ITPR1: variants seen among roughly 807,000 people sequenced by gnomAD.
ITPR1 encodes inositol 1,4,5-trisphosphate-gated calcium channel ITPR1.
ITPR1 carries 96 observed loss-of-function variants against 318.4 expected under a neutral mutation model. The ratio of observed to expected loss-of-function variants is 0.30; its 90% CI spans 0.26 to 0.36. The LOEUF is 0.36. Ranked by LOEUF, ITPR1 falls within the 10% of genes least tolerant of loss-of-function variation. The probability of loss-of-function intolerance (pLI) is 1.00; values close to 1 mark genes in which losing one functional copy is unlikely to be tolerated. For missense variants in ITPR1, 2,440 were observed against 3,460.2 expected (o/e 0.71, Z 7.40); for synonymous variants, 1,312 against 1,289.9 (o/e 1.02, Z -0.37).
chr3:4,842,407 G>T (rs896965221), intron 61 of ITPR1, among the ~76,000 whole-genome samples: 3 of 152,138 alleles, frequency 2.0e-5, no homozygotes, highest in Non-Finnish European at 4.4e-5. Context: ...TCCCTGTGTT[G>T]CCCAGGCTGG....
intron 2 of ITPR1, among the ~76,000 whole-genome samples, chr3:4,503,256 G>A (rs1307109403): frequency 6.6e-6 from 1 of 152,134 alleles, no homozygotes; most frequent in African/African-American, 2.4e-5. Flanking sequence ...GGAAAAATCA[G>A]GTAGTGAAAC....
chr3:4,809,219 A>G (rs1412353081), intron 55 of ITPR1, among the ~76,000 whole-genome samples: 6 of 152,210 alleles, frequency 3.9e-5, no homozygotes, highest in African/African-American at 1.2e-4. Flanking sequence ...TTTCTCTTAT[A>G]CCATTTGACT....
intron 24 of ITPR1, among the ~76,000 whole-genome samples, chr3:4,678,491 A>C (rs955557331): frequency 6.6e-6 from 1 of 152,188 alleles, no homozygotes; most frequent in Non-Finnish European, 1.5e-5. Flanking sequence ...TTCCACGGGT[A>C]CTTATTGACT....
At chr3:4,579,288 G>A (rs1202455920) in intron 4 of ITPR1, among the ~76,000 whole-genome samples, 1 of 152,190 alleles carries the variant, frequency 6.6e-6, no homozygotes, top group Non-Finnish European at 1.5e-5. Flanking sequence ...CAATACGATT[G>A]AGCATTTGCT....
chr3:4,794,060 C>T (rs2047739855), intron 52 of ITPR1, among the ~76,000 whole-genome samples: 1 of 152,178 alleles, frequency 6.6e-6, no homozygotes, highest in Non-Finnish European at 1.5e-5. Flanking sequence ...GATCCATTCT[C>T]ACGTACTCCA....
chr3:4,795,783 C>G (rs1368921853), intron 53 of ITPR1, among the ~76,000 whole-genome samples: 1 of 152,226 alleles, frequency 6.6e-6, no homozygotes, highest in Non-Finnish European at 1.5e-5. Context: ...TCCCCCCAGC[C>G]TACCTCCTTC....
chr3:4,822,712 G>A (rs1351290314), intron 60 of ITPR1, among the ~76,000 whole-genome samples: 2 of 152,144 alleles, frequency 1.3e-5, no homozygotes, highest in African/African-American at 2.4e-5. Flanking sequence ...GATGGAAGGC[G>A]ATGCTGTCGA....
chr3:4,644,864 C>T (rs137855706), intron 8 of ITPR1, among the ~76,000 whole-genome samples: 112 of 152,202 alleles, frequency 7.4e-4, no homozygotes, highest in African/African-American at 2.6e-3. Context: ...GAAATGGGGG[C>T]GGCGGTCGGA....
chr3:4,739,099 T>G (rs1034101847), intron 44 of ITPR1, among the ~76,000 whole-genome samples: 2 of 152,236 alleles, frequency 1.3e-5, no homozygotes, highest in African/African-American at 4.8e-5. Flanking sequence ...GGGTTGTGTC[T>G]GGGGCCAGTT....
At chr3:4,777,524 G>C (rs1022050181) in intron 48 of ITPR1, 150 bp downstream of exon 48, 1 of 603,586 alleles carries the variant, frequency 1.7e-6, no homozygotes, top group Non-Finnish European at 3.0e-6. Flanking sequence ...TGCTGACTAC[G>C]ATGCAGAACT....
rs372048545 is a variant in ITPR1, at chr3:4,807,247, G to A, written c.7272+980G>A. 5.2e-4 allele frequency among the ~76,000 whole-genome samples: 79 copies of A among 152,220 alleles called. No individual in the cohort carries two copies. In the East Asian group the frequency reaches 9.3e-3, roughly 18 times the overall value. On this transcript the variant is annotated intron_variant, in intron 55 of 61. Coordinates refer to ENST00000649015, the MANE Select transcript of ITPR1 (RefSeq NM_001378452.1). ...TGCTTAGAAAACCCCCCCGAAGCGCGTATGAGAGGCATCCAGCCACGATCT... is the reference window on the plus strand; with the variant it reads ...TGCTTAGAAAACCCCCCCGAAGCGCATATGAGAGGCATCCAGCCACGATCT...
chr3:4,576,204 A>G (rs751617263), intron 4 of ITPR1, among the ~76,000 whole-genome samples: 1 of 152,230 alleles, frequency 6.6e-6, no homozygotes, highest in African/African-American at 2.4e-5. Flanking sequence ...CATTGAGCTC[A>G]TAGAAGGAAC....
Position 4,683,525 on chromosome 3 carries a change from C to A in ITPR1, c.3301C>A (p.Gln1101Lys). 1 of 1,613,998 alleles carries A rather than the reference C, an allele frequency of 6.2e-7. No homozygotes were observed. Among genetic ancestry groups the A allele is most frequent in the Non-Finnish European group, 8.5e-7 (1 of 1,179,826 alleles). Residue 1101 changes from glutamine (Q) to lysine (K), a missense_variant, in exon 27 of 62, where the codon CAG (glutamine) becomes AAG (lysine). Around this residue, in one of 23 missense-constraint regions of ITPR1, gnomAD observed 76 missense variants for 132.2 expected, o/e 0.58. Coordinates refer to ENST00000649015, the MANE Select transcript of ITPR1 (RefSeq NM_001378452.1). Reference protein sequence around the residue: ...QLLFRHFSQRQEVLQAFKQVQ... With the variant: ...QLLFRHFSQRKEVLQAFKQVQ... ...CCTCTTCCGGCACTTCAGCCAGAGG[C>A]AGGAGGTGCTCCAGGCCTTCAAACA...
At chr3:4,533,923 C>G (rs1575440768) in intron 4 of ITPR1, among the ~76,000 whole-genome samples, 1 of 152,210 alleles carries the variant, frequency 6.6e-6, no homozygotes, top group African/African-American at 2.4e-5. Context: ...AAACAGCAGG[C>G]ATTCCAGTGA....
intron 5 of ITPR1, among the ~76,000 whole-genome samples, chr3:4,630,598 A>T (rs1415003832): frequency 4.4e-5 from 5 of 114,566 alleles, no homozygotes; most frequent in Admixed American, 1.9e-4. Context: ...TATTATTATT[A>T]TTTTTAAGGC....
intron 50 of ITPR1, among the ~76,000 whole-genome samples, chr3:4,783,296 G>A (rs976351325): frequency 6.6e-6 from 1 of 151,966 alleles, no homozygotes; most frequent in Admixed American, 6.5e-5. Flanking sequence ...TTGAGCTTTC[G>A]GTGGGTAGGG....
intron 44 of ITPR1, among the ~76,000 whole-genome samples, chr3:4,757,284 T>G (rs182894566): frequency 2.1e-4 from 32 of 152,310 alleles, no homozygotes; most frequent in African/African-American, 6.7e-4. Context: ...ATGGTTTTGT[T>G]AATAATTTAT....
At chr3:4,517,420 T>G (rs1313396782) in intron 3 of ITPR1, among the ~76,000 whole-genome samples, 1 of 152,188 alleles carries the variant, frequency 6.6e-6, no homozygotes, top group African/African-American at 2.4e-5. Flanking sequence ...CAGCAGCTTC[T>G]CCAAGAACCT....
chr3:4,686,167 G>T (rs1437022372), intron 30 of ITPR1, among the ~76,000 whole-genome samples: 2 of 152,270 alleles, frequency 1.3e-5, no homozygotes, highest in Admixed American at 1.3e-4. Context: ...TGCGTGGATG[G>T]CACAGCTGTG....
Sources: gnomAD v4.1 joint callset for allele counts (sites outside exome capture counted in the v4.1 genomes callset) on GRCh38, gnomAD v4.1.1 for gene constraint, gnomAD v4.1.1 regional missense constraint, MANE v1.5 for transcripts, NCBI Gene and HGNC (gene_info 2026-07-23, HGNC 2026-07-21) for gene names.